DEPDC5: variants seen among roughly 807,000 people sequenced by gnomAD.
DEPDC5 encodes DEP domain containing 5, GATOR1 subcomplex subunit.
DEPDC5 carries 73 observed loss-of-function variants against 217.3 expected under a neutral mutation model. The observed-to-expected ratio is 0.34, with a 90% CI of 0.28 to 0.41. The LOEUF is 0.41. DEPDC5 is among the 10% of genes least tolerant of loss of function. The pLI is 1.00. For synonymous variants in DEPDC5, 733 were observed against 756.7 expected, an observed-to-expected ratio of 0.97 and a Z score of 0.51; for missense variants, 1,675 against 2,070.1, an observed-to-expected ratio of 0.81 and a Z score of 3.70.
intron 7 of DEPDC5, among the ~76,000 whole-genome samples, chr22:31,777,445 A>G (rs2083992158): frequency 6.7e-6 from 1 of 148,930 alleles, no homozygotes; most frequent in Admixed American, 6.7e-5. Context: ...TTTTTTTAGT[A>G]GAGACATCAT....
intron 24 of DEPDC5, among the ~76,000 whole-genome samples, chr22:31,830,079 C>T (rs771648942): frequency 3.3e-5 from 5 of 152,304 alleles, no homozygotes; most frequent in Admixed American, 6.5e-5. Context: ...GAAGGACCTC[C>T]GTCATTTCTC....
intron 24 of DEPDC5, among the ~76,000 whole-genome samples, chr22:31,827,755 CTG>C (rs758196533): frequency 6.6e-6 from 1 of 152,210 alleles, no homozygotes; most frequent in Non-Finnish European, 1.5e-5. Context: ...CAGGCTCACT[CTG>C]AATTGCAGGT....
At chr22:31,830,550 A>G (rs1156705009) in intron 24 of DEPDC5, among the ~76,000 whole-genome samples, 1 of 152,110 alleles carries the variant, frequency 6.6e-6, no homozygotes, top group Non-Finnish European at 1.5e-5. Flanking sequence ...GCTTCCTGGA[A>G]GTCCTTAAAA....
chr22:31,851,955 CTG>C (rs1370582663), intron 31 of DEPDC5, among the ~76,000 whole-genome samples: 1 of 152,124 alleles, frequency 6.6e-6, no homozygotes, highest in Non-Finnish European at 1.5e-5. Flanking sequence ...CGTTGGGAGA[CTG>C]AGAGGTCAGG....
At chr22:31,865,228 C>T (rs1248735335) in intron 33 of DEPDC5, among the ~76,000 whole-genome samples, 3 of 152,022 alleles carry the variant, frequency 2.0e-5, no homozygotes, top group South Asian at 2.1e-4. Flanking sequence ...CAGCAGCCCA[C>T]GCATGTAATC....
At chr22:31,771,437 T>A (rs992272568) in intron 7 of DEPDC5, among the ~76,000 whole-genome samples, 6 of 151,986 alleles carry the variant, frequency 3.9e-5, no homozygotes, top group Non-Finnish European at 5.9e-5. Flanking sequence ...TAGTAATTTT[T>A]AAAAAATTGC....
chr22:31,892,350 T>C (rs1384946817), intron 38 of DEPDC5, among the ~76,000 whole-genome samples: 1 of 152,192 alleles, frequency 6.6e-6, no homozygotes, highest in Non-Finnish European at 1.5e-5. Context: ...CTATTTCTTT[T>C]AGAGCAGTTT....
chr22:31,878,925 G>A (rs562859838), intron 37 of DEPDC5, among the ~76,000 whole-genome samples: 2 of 150,724 alleles, frequency 1.3e-5, no homozygotes, highest in African/African-American at 2.4e-5. Context: ...TACTCAAGAG[G>A]CTGAGGTAGG....
Position 31,906,428 on chromosome 22 carries a change from C to T in DEPDC5, c.4743C>T (p.Ile1581=), listed in dbSNP as rs1249109155. ...TGAAGGACTTCACGGACTTCTGCAT[C>T]AACCGTGACAACCGGCTGGTCACGT... is the stretch of plus-strand genomic sequence containing the variant. ...RLLKDFTDFC[I]NRDNRLVTFW... The change falls in exon 43 of 43, where the codon ATC becomes ATT. Residue 1581 remains isoleucine (I), a synonymous_variant. Coordinates refer to ENST00000651528, the MANE Select transcript of DEPDC5 (RefSeq NM_001242896.3). The surrounding 1 kb of genome is among the most constrained non-coding windows in gnomAD (Gnocchi z 5.1). 3.1e-6 allele frequency: 5 copies of T among 1,613,926 alleles called. No homozygotes were observed. The highest frequency in any genetic ancestry group is 4.2e-6 in the Non-Finnish European group (5 of 1,180,056).
intron 24 of DEPDC5, among the ~76,000 whole-genome samples, chr22:31,825,756 C>A (rs375137723): frequency 9.3e-4 from 141 of 152,288 alleles, no homozygotes; most frequent in African/African-American, 3.4e-3. Context: ...CAGATCTGAT[C>A]AGCCACTCCT....
At chr22:31,778,770 C>T (rs184697891) in intron 8 of DEPDC5, among the ~76,000 whole-genome samples, 2 of 152,242 alleles carry the variant, frequency 1.3e-5, no homozygotes, top group East Asian at 3.9e-4. Context: ...ATGAACGTTA[C>T]CCATGCTGGT....
At chr22:31,880,364 G>A (rs1219357320) in intron 38 of DEPDC5, 1 of 155,152 alleles carries the variant, frequency 6.4e-6, no homozygotes, top group African/African-American at 2.4e-5. Context: ...CTGAGCTAGA[G>A]GACCTGACTG....
chr22:31,798,508 G>C (rs971651009), intron 13 of DEPDC5, 74 bp from the exon 14 acceptor site: 19 of 1,349,390 alleles, frequency 1.4e-5, no homozygotes, highest in Middle Eastern at 2.5e-4. Flanking sequence ...ACACAGCAAG[G>C]CTTCGTTTAA....
chr22:31,850,334 A>G (rs1319139564), intron 31 of DEPDC5, among the ~76,000 whole-genome samples: 1 of 152,160 alleles, frequency 6.6e-6, no homozygotes, highest in African/African-American at 2.4e-5. Context: ...CCCAAGGTCA[A>G]CTGTGGTCCA....
intron 38 of DEPDC5, among the ~76,000 whole-genome samples, chr22:31,892,873 AT>A (rs948740613): frequency 0.085 from 10,216 of 120,002 alleles, 208 homozygotes; most frequent in South Asian, 0.16. Context: ...TTGGTGGTGT[AT>A]TTTTTTTTTT....
chr22:31,878,923 A>G (rs1602667723), intron 37 of DEPDC5, among the ~76,000 whole-genome samples: 3 of 150,884 alleles, frequency 2.0e-5, no homozygotes, highest in East Asian at 3.9e-4. Context: ...GCTACTCAAG[A>G]GGCTGAGGTA....
chr22:31,824,737 G>A (rs2148848681), intron 24 of DEPDC5, among the ~76,000 whole-genome samples: 1 of 152,144 alleles, frequency 6.6e-6, no homozygotes, highest in South Asian at 2.1e-4. Context: ...GGAGACCAAG[G>A]CGGGTGGATC....
rs2092349927 is a variant in DEPDC5 at position 31,857,546 on chromosome 22, C to A, written c.3257C>A (p.Pro1086Gln). ...VAMTPTYMDS[P>Q]RKDGAFFMEF... ...ATGACTCCCACCTACATGGACAGCC[C>A]ACGAAAGGTAAAGGAAGCCGCGGTA... Residue 1086 changes from proline to glutamine, a missense_variant, in exon 32 of 43, where the codon CCA becomes CAA. Coordinates refer to ENST00000651528, the MANE Select transcript of DEPDC5 (RefSeq NM_001242896.3). 2 of 1,610,342 alleles carry A rather than the reference C, an allele frequency of 1.2e-6. No individual in the cohort carries two copies. Among genetic ancestry groups the A allele is most frequent in the African/African-American group, 2.7e-5 (2 of 75,006 alleles).
At position 31,822,756 on chromosome 22, in the gene DEPDC5, G is replaced by T; in HGVS notation, c.2070G>T (p.Glu690Asp). The T allele has an allele frequency of 6.2e-7, 1 of 1,614,110 alleles. No individual in the cohort carries two copies. The highest frequency in any genetic ancestry group is 8.5e-7 in the Non-Finnish European group (1 of 1,179,998). Residue 690 changes from glutamate (E) to aspartate (D), a missense_variant, in exon 24 of 43, where the codon GAG (glutamate) becomes GAT (aspartate). By Grantham distance (45) the Glu-to-Asp change is conservative. Coordinates refer to ENST00000651528, the MANE Select transcript of DEPDC5 (RefSeq NM_001242896.3). ...MSFLNFSGTE[E>D]LSVGLLSNSG... The stretch of plus-strand genomic sequence containing the variant: ...TCTTGAACTTCAGTGGAACAGAGGA[G>T]CTTTCTGTCGGCCTGCTTAGCAACA...
Sources: gnomAD v4.1 joint callset for allele counts (sites outside exome capture counted in the v4.1 genomes callset) on GRCh38, gnomAD v4.1.1 for gene constraint, Gnocchi (gnomAD v3.1) non-coding constraint, MANE v1.5 for transcripts, NCBI Gene and HGNC (gene_info 2026-07-23, HGNC 2026-07-21) for gene names.